RPS6KC1: variants seen among roughly 807,000 people sequenced by gnomAD.
The protein encoded by RPS6KC1 is inactive ribosomal protein S6 kinase delta-1.
A neutral mutation model predicts 103.8 loss-of-function variants in RPS6KC1; 54 were observed. The observed-to-expected ratio is 0.52, with a 90% CI of 0.42 to 0.65. The LOEUF (loss-of-function observed/expected upper bound fraction) is 0.65. RPS6KC1 is among the 30% of genes least tolerant of loss of function. RPS6KC1 has a pLI of 0.00. For missense variants in RPS6KC1, 1,151 were observed against 1,253.8 expected (o/e 0.92, Z 1.24); for synonymous variants, 439 against 438.7 (o/e 1.00, Z -0.01).
the RPS6KC1 span, among the ~76,000 whole-genome samples, chr1:213,745,105 A>G: frequency 2.7e-3 from 404 of 152,366 alleles, no homozygotes; most frequent in African/African-American, 9.4e-3. Context: ...TTGTAGCACT[A>G]AGCAGGTAAG....
chr1:213,082,141 C>T (rs1273063216), intron 3 of RPS6KC1, among the ~76,000 whole-genome samples: 2 of 151,974 alleles, frequency 1.3e-5, no homozygotes, highest in Non-Finnish European at 2.9e-5. Context: ...ATTAATTGGG[C>T]CCGGCACGGT....
chr1:213,844,302 T>C, the RPS6KC1 span, among the ~76,000 whole-genome samples: 1 of 152,202 alleles, frequency 6.6e-6, no homozygotes. Flanking sequence ...CTTTTATATT[T>C]AAAATTCATA....
the RPS6KC1 span, among the ~76,000 whole-genome samples, chr1:213,552,894 C>G: frequency 1.3e-5 from 2 of 152,182 alleles, no homozygotes; most frequent in Admixed American, 1.3e-4. Flanking sequence ...CTTCTACCTT[C>G]AAGCACTACT....
chr1:213,828,597 T>C, the RPS6KC1 span, among the ~76,000 whole-genome samples: 7 of 152,232 alleles, frequency 4.6e-5, no homozygotes, highest in South Asian at 2.1e-4. Flanking sequence ...GGCTCAGTTG[T>C]ATAATCCTTT....
the RPS6KC1 span, among the ~76,000 whole-genome samples, chr1:213,703,668 C>G: frequency 6.6e-6 from 1 of 152,146 alleles, no homozygotes; most frequent in African/African-American, 2.4e-5. Context: ...ATGCCGTTCT[C>G]TCCTGGTTTG....
At position 213,140,840 on chromosome 1, in the gene RPS6KC1, T is replaced by C. The variant is rs1264021704; in HGVS notation, c.835+10951T>C. On this transcript the variant is annotated intron_variant, in intron 6 of 14. Transcript: ENST00000366960. Reference sequence around the variant, plus strand: ...CAGGCCTCATAGAATGAGGGAGGAATCCCTTGATTTTTTTTTTTTTTTTGA... The same window carrying C: ...CAGGCCTCATAGAATGAGGGAGGAACCCCTTGATTTTTTTTTTTTTTTTGA... Among the ~76,000 whole-genome samples, 5 of 121,448 alleles carry C rather than the reference T, an allele frequency of 4.1e-5. No individual in the cohort carries two copies. In the East Asian group the frequency reaches 1.1e-3, roughly 28 times the overall value. 79.7% of individuals were successfully genotyped at this position (121,448 alleles called of 152,430 possible).
chr1:213,845,600 G>A, the RPS6KC1 span, among the ~76,000 whole-genome samples: 2 of 151,994 alleles, frequency 1.3e-5, no homozygotes, highest in African/African-American at 4.8e-5. Flanking sequence ...TAACATTTTG[G>A]GGGCACCTAT....
the RPS6KC1 span, among the ~76,000 whole-genome samples, chr1:213,670,119 G>A: frequency 6.6e-6 from 1 of 152,218 alleles, no homozygotes; most frequent in South Asian, 2.1e-4. Context: ...CCTACAGGGG[G>A]CATTGAAGGC....
chr1:213,319,812 A>G, the RPS6KC1 span, among the ~76,000 whole-genome samples: 8 of 152,132 alleles, frequency 5.3e-5, no homozygotes, highest in East Asian at 1.9e-4. Flanking sequence ...TACCTACCCA[A>G]TATCTTTAAA....
chr1:213,269,920 G>A (rs1218902118), intron 14 of RPS6KC1, among the ~76,000 whole-genome samples: 1 of 151,258 alleles, frequency 6.6e-6, no homozygotes, highest in East Asian at 1.9e-4. Context: ...AAAAGAAACT[G>A]TAAAAAGCAA....
the RPS6KC1 span, among the ~76,000 whole-genome samples, chr1:213,474,723 C>T: frequency 2.6e-5 from 4 of 151,892 alleles, no homozygotes; most frequent in African/African-American, 7.3e-5. Context: ...CTCTTAGGCT[C>T]GGTTGTCTAA....
the RPS6KC1 span, among the ~76,000 whole-genome samples, chr1:213,593,685 G>A: frequency 6.6e-6 from 1 of 151,924 alleles, no homozygotes; most frequent in African/African-American, 2.4e-5. Flanking sequence ...GGAAAGATAC[G>A]AGCGAAGGTC....
At chr1:213,588,565 G>T in the RPS6KC1 span, among the ~76,000 whole-genome samples, 4 of 151,948 alleles carry the variant, frequency 2.6e-5, no homozygotes, top group Middle Eastern at 3.2e-3. Flanking sequence ...TCCCAAAGTG[G>T]TGGGATTACA....
At chr1:213,169,460 T>C (rs979926189) in intron 7 of RPS6KC1, among the ~76,000 whole-genome samples, 6 of 152,234 alleles carry the variant, frequency 3.9e-5, no homozygotes, top group Admixed American at 1.3e-4. Flanking sequence ...TGCGACTCTT[T>C]TAGTCTGTAT....
At chr1:213,826,032 G>A in the RPS6KC1 span, among the ~76,000 whole-genome samples, 14 of 152,114 alleles carry the variant, frequency 9.2e-5, no homozygotes, top group Non-Finnish European at 2.1e-4. Flanking sequence ...ACAGATGATC[G>A]TCTTATTGGT....
chr1:213,405,378 T>A, the RPS6KC1 span, among the ~76,000 whole-genome samples: 1 of 152,224 alleles, frequency 6.6e-6, no homozygotes. Flanking sequence ...AGAAGGGGAA[T>A]TGGCACTTGC....
At chr1:213,784,739 T>C in the RPS6KC1 span, among the ~76,000 whole-genome samples, 1 of 152,220 alleles carries the variant, frequency 6.6e-6, no homozygotes, top group Admixed American at 6.5e-5. Context: ...TGGACTGGGC[T>C]GAGCATCTGC....
At chr1:213,414,943 T>A in the RPS6KC1 span, among the ~76,000 whole-genome samples, 5 of 152,166 alleles carry the variant, frequency 3.3e-5, no homozygotes, top group African/African-American at 1.2e-4. Flanking sequence ...ATGAGACCCC[T>A]GGGATTGCTG....
At chr1:213,697,742 T>C in the RPS6KC1 span, among the ~76,000 whole-genome samples, 1 of 152,196 alleles carries the variant, frequency 6.6e-6, no homozygotes, top group African/African-American at 2.4e-5. Context: ...AGGATACAGA[T>C]GGGGCCAAGA....
Sources: allele counts gnomAD v4.1 joint callset (sites outside exome capture counted in the v4.1 genomes callset), GRCh38; gene constraint gnomAD v4.1.1; transcripts MANE v1.5; gene names NCBI Gene and HGNC (gene_info 2026-07-23, HGNC 2026-07-21).